CUX1: variants seen among roughly 807,000 people sequenced by gnomAD.
The protein encoded by CUX1 is cut like homeobox 1.
In CUX1, 31 loss-of-function variants were observed where a neutral mutation model predicts 158.8. The ratio of observed to expected loss-of-function variants is 0.20; its 90% CI spans 0.15 to 0.26. The LOEUF is 0.26. CUX1 is among the 10% of genes least tolerant of loss of function. The pLI, the probability that CUX1 is intolerant of heterozygous loss-of-function variation, is 1.00. For missense variants in CUX1, 1,589 were observed against 2,014.6 expected (o/e 0.79, Z 4.04); for synonymous variants, 879 against 862.1 (o/e 1.02, Z -0.34).
In CUX1 at chr7:101,959,236, G is replaced by T. The variant is rs113204093; in HGVS notation, c.141+43011G>T. ...TTTCCTTACCTAGCTCTATGTGTGT[G>T]CAGTGTGTGTGTGTGTGTGTGTGTG... On this transcript the variant is annotated intron_variant, in intron 2 of 23. Coordinates refer to ENST00000292535, the MANE Select transcript of CUX1 (RefSeq NM_181552.4). Among the ~76,000 whole-genome samples the T allele has an allele frequency of 1.4e-4, 15 of 109,084 alleles. 3 individuals carry two copies. The highest frequency in any genetic ancestry group is 5.1e-4 in the African/African-American group (12 of 23,598). 71.6% of individuals were successfully genotyped at this position (109,084 alleles called of 152,430 possible). A position where few individuals can be genotyped will look rare whatever the true frequency, so the allele number is the denominator to read the frequency against.
chr7:101,970,847 C>T (rs1811865027), intron 2 of CUX1, among the ~76,000 whole-genome samples: 1 of 152,170 alleles, frequency 6.6e-6, no homozygotes, highest in African/African-American at 2.4e-5. Flanking sequence ...TGAGCCCCTG[C>T]ACCCGGCTGA....
At chr7:101,900,891 G>A (rs1802071241) in intron 1 of CUX1, among the ~76,000 whole-genome samples, 1 of 152,204 alleles carries the variant, frequency 6.6e-6, no homozygotes. Context: ...TATGGGAAAA[G>A]GAGCTAATGT....
At chr7:102,007,701 C>A (rs1446040918) in intron 2 of CUX1, among the ~76,000 whole-genome samples, 1 of 151,342 alleles carries the variant, frequency 6.6e-6, no homozygotes, top group African/African-American at 2.4e-5. Context: ...TCCTCCTCCC[C>A]CCTCCCTCGC....
rs150731280 is a variant in CUX1, at chr7:101,869,912, C to T, written c.31-46203C>T. 3.1e-3 allele frequency among the ~76,000 whole-genome samples: 469 copies of T among 152,256 alleles called. 2 individuals are homozygous for T. The highest frequency in any genetic ancestry group is 0.01 in the Middle Eastern group (3 of 294). Reference sequence around the variant, plus strand: ...CCCACCGTGGTGGGCAGCTTGTCTGCCATCCCCTTCCAGGTGCCCCGCAGA... The same window carrying T: ...CCCACCGTGGTGGGCAGCTTGTCTGTCATCCCCTTCCAGGTGCCCCGCAGA... On this transcript the variant is annotated intron_variant, in intron 1 of 23. Transcript: ENST00000292535. The surrounding 1 kb of genome is among the most constrained non-coding windows in gnomAD (Gnocchi z 4.5).
intron 3 of CUX1, among the ~76,000 whole-genome samples, chr7:102,047,377 T>C (rs1822937673): frequency 6.6e-6 from 1 of 150,838 alleles, no homozygotes. Context: ...GGATGGATGA[T>C]TGGATAGAAG....
chr7:101,874,019 C>G (rs1430670228), intron 1 of CUX1, among the ~76,000 whole-genome samples: 1 of 152,226 alleles, frequency 6.6e-6, no homozygotes, highest in Non-Finnish European at 1.5e-5. Flanking sequence ...TCCCTTGCCT[C>G]ATGTAGTCTT....
At chr7:102,246,675 T>G (rs1217436422) in intron 23 of CUX1, among the ~76,000 whole-genome samples, 1 of 152,042 alleles carries the variant, frequency 6.6e-6, no homozygotes, top group Non-Finnish European at 1.5e-5. Flanking sequence ...GTTCAAGAGA[T>G]TCTCCTGCCT....
chr7:102,113,365 T>A (rs539666635), intron 7 of CUX1, among the ~76,000 whole-genome samples: 1 of 152,002 alleles, frequency 6.6e-6, no homozygotes, highest in Non-Finnish European at 1.5e-5. Flanking sequence ...CAGGTTCAAG[T>A]GATTTTCCTG....
chr7:102,134,674 T>G (rs1172804346), intron 8 of CUX1, among the ~76,000 whole-genome samples: 7 of 152,190 alleles, frequency 4.6e-5, no homozygotes, highest in African/African-American at 1.7e-4. Flanking sequence ...CACGACTCAC[T>G]GCAGCCCTGA....
intron 2 of CUX1, among the ~76,000 whole-genome samples, chr7:101,990,574 A>G (rs1230525718): frequency 6.6e-6 from 1 of 152,030 alleles, no homozygotes; most frequent in Non-Finnish European, 1.5e-5. Flanking sequence ...ATGGGGTTTC[A>G]CCATGTTGGC....
At chr7:101,992,137 G>A (rs1377721573) in intron 2 of CUX1, among the ~76,000 whole-genome samples, 1 of 152,176 alleles carries the variant, frequency 6.6e-6, no homozygotes, top group African/African-American at 2.4e-5. Context: ...TACAGTCACA[G>A]AAAGTCAGGG....
chr7:101,904,633 A>G (rs866213742), intron 1 of CUX1, among the ~76,000 whole-genome samples: 2 of 142,240 alleles, frequency 1.4e-5, no homozygotes, highest in Non-Finnish European at 3.0e-5. Flanking sequence ...TAGTGGTGTG[A>G]TCTTGGCTCA....
chr7:102,123,915 C>T (rs1832337378), intron 8 of CUX1, among the ~76,000 whole-genome samples: 1 of 152,158 alleles, frequency 6.6e-6, no homozygotes, highest in African/African-American at 2.4e-5. Flanking sequence ...CCACTCATCT[C>T]GGCCTCCCAA....
At chr7:101,994,516 G>T (rs891280479) in intron 2 of CUX1, among the ~76,000 whole-genome samples, 5 of 152,136 alleles carry the variant, frequency 3.3e-5, no homozygotes, top group African/African-American at 1.2e-4. Context: ...CAGGAGAATC[G>T]CTTAAACCCA....
At chr7:102,144,389 C>T (rs529868891) in intron 8 of CUX1, among the ~76,000 whole-genome samples, 1 of 152,240 alleles carries the variant, frequency 6.6e-6, no homozygotes, top group African/African-American at 2.4e-5. Flanking sequence ...CATGGCCCAT[C>T]CCGTCTCACC....
In CUX1 at chr7:102,114,791, G is replaced by A. The variant is rs569266658; in HGVS notation, c.608-416G>A. Among the ~76,000 whole-genome samples the A allele has an allele frequency of 2.1e-4, 32 of 152,314 alleles. No homozygotes were observed. The South Asian group carries it at 6.2e-3, about 30-fold the overall frequency. ...AGCTACTTGGGAGGCTGAGGCAAGA[G>A]GATGGCTTGAGCCCAGGAGTTAAAG... is the stretch of plus-strand genomic sequence containing the variant. On this transcript the variant is annotated intron_variant, in intron 7 of 23. Transcript: ENST00000292535.
rs372425135 is a variant in CUX1 at position 101,953,049 on chromosome 7, GC to G, written c.141+36826del. ...CAGAGGCCAGGAAGCCTGGCTTCTG[GC>G]CGCCCTGCCCGCTCCTCACGTGTGA... On this transcript the variant is annotated intron_variant, in intron 2 of 23. Coordinates refer to ENST00000292535, the MANE Select transcript of CUX1 (RefSeq NM_181552.4). Among the ~76,000 whole-genome samples, 95 of 152,320 alleles carry G rather than the reference GC, an allele frequency of 6.2e-4. 1 individual carries two copies. The highest frequency in any genetic ancestry group is 2.3e-3 in the South Asian group (11 of 4,818).
chr7:102,265,580 G>A (rs540434080), intron 14 of CUX1, among the ~76,000 whole-genome samples: 5 of 151,946 alleles, frequency 3.3e-5, no homozygotes, highest in East Asian at 2.0e-4. Context: ...AGGGACAGGC[G>A]TGCACCACCA....
intron 3 of CUX1, among the ~76,000 whole-genome samples, chr7:102,046,568 G>GTTTTTTTTTTTTTTT (rs1461868011): frequency 4.5e-5 from 4 of 89,532 alleles, no homozygotes; most frequent in Non-Finnish European, 8.6e-5. Context: ...GTTTGGTTTG[G>GTTTTTTTTTTTTTTT]ATTTTTTTTT....
Sources: allele counts gnomAD v4.1 joint callset (sites outside exome capture counted in the v4.1 genomes callset), GRCh38; gene constraint gnomAD v4.1.1; non-coding constraint Gnocchi (gnomAD v3.1); transcripts MANE v1.5; gene names NCBI Gene and HGNC (gene_info 2026-07-23, HGNC 2026-07-21).